The following TLN2 variants were observed in gnomAD, a reference collection of about 807,000 sequenced individuals.
TLN2 encodes talin-2.
In TLN2, 118 loss-of-function variants were observed where a neutral mutation model predicts 294.7. That is an observed-to-expected ratio of 0.40 (90% CI 0.34 to 0.47). TLN2 has a LOEUF of 0.47. Among genes scored for constraint, TLN2 ranks in the 20% least tolerant of loss-of-function variants. TLN2 has a pLI of 0.84. For missense variants in TLN2, 3,083 were observed against 3,282.2 expected (o/e 0.94, Z 1.48); for synonymous variants, 1,431 against 1,304.5 (o/e 1.10, Z -2.09).
chr15:62,731,571 G>A (rs2060726762), intron 28 of TLN2, among the ~76,000 whole-genome samples: 2 of 152,140 alleles, frequency 1.3e-5, no homozygotes, highest in African/African-American at 4.8e-5. Flanking sequence ...TGAAAGGGTT[G>A]CTGTTTACCA....
intron 21 of TLN2, among the ~76,000 whole-genome samples, chr15:62,711,572 CAATGTTTTCTA>C (rs1427613534): frequency 6.6e-6 from 1 of 152,152 alleles, no homozygotes; most frequent in Non-Finnish European, 1.5e-5. Flanking sequence ...GTGAAGAAAG[CAATGTTTTCTA>C]AATAAGTATT....
chr15:62,679,779 T>C (rs962540411), intron 11 of TLN2, among the ~76,000 whole-genome samples: 3 of 152,242 alleles, frequency 2.0e-5, no homozygotes, highest in South Asian at 4.1e-4. Flanking sequence ...ACACAGCCTG[T>C]AGAATGACAT....
intron 26 of TLN2, among the ~76,000 whole-genome samples, chr15:62,723,720 T>G (rs2060281644): frequency 6.6e-6 from 1 of 151,794 alleles, no homozygotes; most frequent in Non-Finnish European, 1.5e-5. Context: ...TTTTTTTGTT[T>G]GTGTTTTTTT....
intron 1 of TLN2, among the ~76,000 whole-genome samples, chr15:62,410,198 C>A (rs1313577588): frequency 2.0e-5 from 3 of 151,538 alleles, no homozygotes; most frequent in Non-Finnish European, 2.9e-5. Flanking sequence ...GCTGAGATCA[C>A]GCCATTGCAC....
chr15:62,760,128 A>C (rs2141017986), intron 37 of TLN2, among the ~76,000 whole-genome samples: 1 of 152,352 alleles, frequency 6.6e-6, no homozygotes, highest in East Asian at 1.9e-4. Flanking sequence ...TGGGCCTGGA[A>C]AAATGGCAGA....
intron 1 of TLN2, among the ~76,000 whole-genome samples, chr15:62,516,169 T>G (rs1160214931): frequency 6.6e-6 from 1 of 152,222 alleles, no homozygotes; most frequent in Non-Finnish European, 1.5e-5. Flanking sequence ...TTGCTGCCGT[T>G]TCCGTTGCAG....
At chr15:62,613,950 T>G (rs564864342) in intron 2 of TLN2, among the ~76,000 whole-genome samples, 16 of 152,156 alleles carry the variant, frequency 1.1e-4, no homozygotes, top group African/African-American at 3.4e-4. Flanking sequence ...GATGAGTGAT[T>G]GACAGAGGAG....
intron 3 of TLN2, among the ~76,000 whole-genome samples, chr15:62,627,159 A>G (rs917199670): frequency 6.6e-6 from 1 of 152,180 alleles, no homozygotes; most frequent in Non-Finnish European, 1.5e-5. Context: ...ACTGAAGGCT[A>G]ATGCAGTTCT....
At chr15:62,515,768 C>T (rs1226147439) in intron 1 of TLN2, among the ~76,000 whole-genome samples, 2 of 152,022 alleles carry the variant, frequency 1.3e-5, no homozygotes, top group East Asian at 3.8e-4. Flanking sequence ...TTATATCAGA[C>T]TCCAGTGAAT....
In TLN2 at chr15:62,702,193, C is replaced by T; in HGVS notation, c.1898C>T (p.Ser633Phe). 6.3e-7 allele frequency: 1 copy of T among 1,594,384 alleles called. No individual in the cohort carries two copies. Among genetic ancestry groups the T allele is most frequent in the Non-Finnish European group, 8.6e-7 (1 of 1,169,342 alleles). The change falls in exon 18 of 59, where the codon TCT becomes TTT. Residue 633 changes from serine (S) to phenylalanine (F), a missense_variant. Transcript: ENST00000636159. ...TTGCTGAAAGCTGTGCAGCCTACTT[C>T]TGGAGAGGTAAGCTCCAGAGGCAAG... ...SDLLKAVQPT[S>F]GEPRQTVLTA...
At chr15:62,829,161 ATATATATTATAT>A (rs1386768828) in intron 54 of TLN2, 1 of 4,510 alleles carries the variant, frequency 2.2e-4, no homozygotes, top group African/African-American at 2.4e-4. Flanking sequence ...TATATATATA[ATATATATTATAT>A]TATATATATA....
chr15:62,813,513 T>A (rs977490129), intron 52 of TLN2, among the ~76,000 whole-genome samples: 1 of 152,146 alleles, frequency 6.6e-6, no homozygotes, highest in Non-Finnish European at 1.5e-5. Context: ...CCCTTGAGAC[T>A]GAAAAGATCC....
chr15:62,570,609 G>A (rs919506611), intron 1 of TLN2, among the ~76,000 whole-genome samples: 3 of 152,000 alleles, frequency 2.0e-5, no homozygotes, highest in Non-Finnish European at 4.4e-5. Context: ...AATTTTGGTT[G>A]CTTAAGCTAG....
intron 1 of TLN2, among the ~76,000 whole-genome samples, chr15:62,508,318 G>A (rs1213863011): frequency 6.6e-6 from 1 of 152,136 alleles, no homozygotes; most frequent in Non-Finnish European, 1.5e-5. Context: ...CCGGGTTCAA[G>A]CGATTCTCCT....
intron 1 of TLN2, among the ~76,000 whole-genome samples, chr15:62,576,228 C>T (rs2044380645): frequency 1.3e-5 from 2 of 151,004 alleles, no homozygotes; most frequent in Admixed American, 6.6e-5. Flanking sequence ...CACGCCATTG[C>T]ACTCCAGCCT....
chr15:62,555,151 T>C (rs1161730953), intron 1 of TLN2, among the ~76,000 whole-genome samples: 4 of 152,208 alleles, frequency 2.6e-5, no homozygotes, highest in African/African-American at 9.6e-5. Flanking sequence ...GTGCGAAGCT[T>C]TTCCTGCAGA....
At chr15:62,618,712 C>T (rs746682238) in intron 3 of TLN2, among the ~76,000 whole-genome samples, 3 of 152,160 alleles carry the variant, frequency 2.0e-5, no homozygotes, top group Non-Finnish European at 4.4e-5. Flanking sequence ...TGGTTGATTC[C>T]TCAAGCCTAG....
intron 3 of TLN2, among the ~76,000 whole-genome samples, chr15:62,631,619 C>G (rs1316116908): frequency 7.0e-6 from 1 of 142,214 alleles, no homozygotes; most frequent in Non-Finnish European, 1.5e-5. Context: ...CTCTCCCTTC[C>G]CTCCTCCCTC....
intron 1 of TLN2, among the ~76,000 whole-genome samples, chr15:62,449,217 G>A (rs2140317441): frequency 6.6e-6 from 1 of 152,294 alleles, no homozygotes; most frequent in Middle Eastern, 3.4e-3. Flanking sequence ...AAATGGATTG[G>A]TGAGTGGTAT....
Sources: gnomAD v4.1 joint callset for allele counts (sites outside exome capture counted in the v4.1 genomes callset) on GRCh38, gnomAD v4.1.1 for gene constraint, MANE v1.5 for transcripts, NCBI Gene and HGNC (gene_info 2026-07-23, HGNC 2026-07-21) for gene names.